Variants in RARA observed in about 807,000 individuals in gnomAD.
RARA encodes retinoic acid receptor alpha.
In RARA, 5 loss-of-function variants were observed where a neutral mutation model predicts 42.8. The observed-to-expected ratio is 0.12, with a 90% CI of 0.06 to 0.25. The LOEUF is 0.25. RARA is among the 10% of genes least tolerant of loss of function. The pLI is 1.00. For missense variants in RARA, 402 were observed against 628.7 expected (o/e 0.64, Z 3.86); for synonymous variants, 256 against 259.5 (o/e 0.99, Z 0.13).
At chr17:40,316,894 G>A (rs879014517) in intron 1 of RARA, among the ~76,000 whole-genome samples, 2 of 152,196 alleles carry the variant, frequency 1.3e-5, no homozygotes, top group South Asian at 4.1e-4. Context: ...CCAGCAGGCG[G>A]GAAGGGGCCT....
chr17:40,356,486 TCTCA>T lies in RARA; in HGVS notation c.*261_*264del. On this transcript the variant is annotated 3_prime_UTR_variant, in exon 9 of 9. Transcript: ENST00000254066. The stretch of plus-strand genomic sequence containing the variant: ...ACTGAGTGAGGCCCCTGGTCCTGGG[TCTCA>T]GGATGGGTCCTGGGGGCCTCGTGTT... The T allele has an allele frequency of 1.5e-6, 1 of 687,418 alleles. No homozygotes were observed. The highest frequency in any genetic ancestry group is 2.8e-5 in the East Asian group (1 of 36,158). 42.6% of individuals were successfully genotyped at this position (687,418 alleles called of 1,614,324 possible). A position where few individuals can be genotyped will look rare whatever the true frequency, so the allele number is the denominator to read the frequency against.
intron 1 of RARA, among the ~76,000 whole-genome samples, chr17:40,316,369 C>A (rs1162024755): frequency 6.6e-6 from 1 of 152,208 alleles, no homozygotes; most frequent in Non-Finnish European, 1.5e-5. Context: ...CTTGTTCATG[C>A]GTGGATGTGC....
rs1231150271 is a variant in RARA, at chr17:40,356,681, G to C, written c.*455G>C. ...AGAGGGGGTGGGACAGGGGCGGGGG[G>C]TTCCCCCTGTACATACCCTGCCATA... On this transcript the variant is annotated 3_prime_UTR_variant, in exon 9 of 9. Transcript: ENST00000254066. 2.8e-5 allele frequency: 15 copies of C among 539,754 alleles called. No individual in the cohort carries two copies. The highest frequency in any genetic ancestry group is 2.3e-4 in the South Asian group (15 of 64,452). The allele number at this position is 539,754 out of a possible 1,614,324, so 33.4% of individuals were successfully genotyped here.
chr17:40,313,089 T>C (rs1365235232), intron 1 of RARA, among the ~76,000 whole-genome samples: 2 of 152,138 alleles, frequency 1.3e-5, no homozygotes, highest in Admixed American at 6.5e-5. Context: ...TGGGTTTGTT[T>C]GGGTGGCCTG....
At chr17:40,350,474 G>C (rs1311353219) in intron 4 of RARA, 1 of 153,592 alleles carries the variant, frequency 6.5e-6, no homozygotes, top group Non-Finnish European at 1.4e-5. Flanking sequence ...TCCACTTTGG[G>C]CTCAGCTGAG....
Position 40,341,839 on chromosome 17 carries a change from G to A in RARA, c.179-6477G>A, listed in dbSNP as rs1002530037. On this transcript the variant is annotated intron_variant, in intron 2 of 8. Transcript: ENST00000254066. ...AGCCTGGGAGCCGGAACTGGTACAA[G>A]GGAGGACGCCCGCCCCTCTTCCGTC... 8.3e-6 allele frequency: 9 copies of A among 1,082,844 alleles called. No individual in the cohort carries two copies. The Admixed American group carries it at 3.0e-4, about 36-fold the overall frequency. 67.1% of individuals were successfully genotyped at this position (1,082,844 alleles called of 1,614,324 possible). A position where few individuals can be genotyped will look rare whatever the true frequency, so the allele number is the denominator to read the frequency against.
chr17:40,311,933 C>T (rs1283206959), intron 1 of RARA, among the ~76,000 whole-genome samples: 1 of 152,226 alleles, frequency 6.6e-6, no homozygotes. Context: ...ATTCTTGCCT[C>T]CAGGCTTCTC....
rs2034477253 is a variant in RARA at position 40,352,132 on chromosome 17, C to T, written c.630+62C>T. The T allele has an allele frequency of 4.7e-6, 7 of 1,478,250 alleles. No individual in the cohort carries two copies. The highest frequency in any genetic ancestry group is 6.3e-6 in the Non-Finnish European group (7 of 1,117,718). 91.6% of individuals were successfully genotyped at this position (1,478,250 alleles called of 1,614,324 possible). On this transcript the variant is annotated intron_variant, in intron 5 of 8. Transcript: ENST00000254066. The surrounding 1 kb of genome is among the most constrained non-coding windows in gnomAD (Gnocchi z 4.9). ...CCAGGGCCACAGGGCCAGGATGGGC[C>T]CCTCTCAGGCACCCCTTCTTGTGCC... is the stretch of plus-strand genomic sequence containing the variant.
intron 1 of RARA, among the ~76,000 whole-genome samples, chr17:40,325,207 C>T (rs1418932836): frequency 4.6e-5 from 7 of 151,580 alleles, no homozygotes; most frequent in East Asian, 1.9e-4. Context: ...GCCGAGATTG[C>T]GCCATTGCAC....
At chr17:40,344,263 C>T (rs537190586) in intron 2 of RARA, among the ~76,000 whole-genome samples, 2 of 152,238 alleles carry the variant, frequency 1.3e-5, no homozygotes, top group African/African-American at 4.8e-5. Context: ...CCGACCATTT[C>T]CTCTAGGGCC....
At position 40,352,028 on chromosome 17, in the gene RARA, G is replaced by C. The variant is rs1422032918; in HGVS notation, c.588G>C (p.Gln196His). The change falls in exon 5 of 9, where the codon CAG becomes CAC. Residue 196 changes from glutamine to histidine, a missense_variant. By Grantham distance (24) the Gln-to-His change is conservative (BLOSUM62 0). Transcript: ENST00000254066. This position sits in a 1 kb window ranked among gnomAD's most constrained non-coding sequence, Gnocchi z 4.9. ...TTGAGAAGGTGCGCAAAGCGCACCA[G>C]GAAACCTTCCCTGCCCTCTGCCAGC... The part of the protein sequence containing the change: ...ELIEKVRKAH[Q>H]ETFPALCQLG... 6.3e-7 allele frequency: 1 copy of C among 1,586,858 alleles called. No individual in the cohort carries two copies. Among genetic ancestry groups the C allele is most frequent in the East Asian group, 2.2e-5 (1 of 44,460 alleles).
intron 1 of RARA, among the ~76,000 whole-genome samples, chr17:40,319,220 C>T (rs1256453617): frequency 6.6e-6 from 1 of 152,128 alleles, no homozygotes; most frequent in Non-Finnish European, 1.5e-5. Context: ...CCCCTCATCT[C>T]CTCTCTGGGC....
intron 3 of RARA, chr17:40,349,444 G>T: frequency 7.7e-6 from 2 of 259,544 alleles, no homozygotes; most frequent in East Asian, 9.0e-5. Context: ...GTGGGTTCCA[G>T]ATCCCTGGCT....
intron 1 of RARA, among the ~76,000 whole-genome samples, chr17:40,329,916 C>T (rs1293966872): frequency 2.0e-5 from 3 of 152,162 alleles, no homozygotes; most frequent in African/African-American, 2.4e-5. Context: ...ATATGTTCTT[C>T]GTGTTCTCTC....
chr17:40,329,666 G>T (rs1457773992), intron 1 of RARA, among the ~76,000 whole-genome samples: 1 of 152,040 alleles, frequency 6.6e-6, no homozygotes, highest in African/African-American at 2.4e-5. Flanking sequence ...TGTTGGCCAG[G>T]CTGGTCTTGA....
At chr17:40,335,590 T>G (rs992651123) in intron 2 of RARA, among the ~76,000 whole-genome samples, 1 of 152,034 alleles carries the variant, frequency 6.6e-6, no homozygotes, top group African/African-American at 2.4e-5. Flanking sequence ...CTCGGGAGGC[T>G]GAGGCTAGAG....
In RARA at chr17:40,356,707, C is replaced by T; in HGVS notation, c.*481C>T. 1 of 539,540 alleles carries T rather than the reference C, an allele frequency of 1.9e-6. No individual in the cohort carries two copies. Among genetic ancestry groups the T allele is most frequent in the Non-Finnish European group, 3.6e-6 (1 of 280,618 alleles). The allele number at this position is 539,540 out of a possible 1,614,324, so 33.4% of individuals were successfully genotyped here. ...TTCCCCCTGTACATACCCTGCCATACCAACCCCAGGTATTAATTCTCGCTG... is the reference window on the plus strand; with the variant it reads ...TTCCCCCTGTACATACCCTGCCATATCAACCCCAGGTATTAATTCTCGCTG... On this transcript the variant is annotated 3_prime_UTR_variant, in exon 9 of 9. Coordinates refer to ENST00000254066, the MANE Select transcript of RARA (RefSeq NM_000964.4).
chr17:40,330,193 G>T (rs1015251320), intron 1 of RARA, among the ~76,000 whole-genome samples: 5 of 152,148 alleles, frequency 3.3e-5, no homozygotes, highest in Non-Finnish European at 7.4e-5. Context: ...CATTGCCTGG[G>T]GGTAGGAGGC....
rs1231513534 is a variant in RARA, at chr17:40,351,291, T to C, written c.470-619T>C. Reference sequence around the variant, plus strand: ...CGTCAGCAGCCACCACCACCAGCCCTGTGAGTGATTGTGTGTCTGGATAAT... The same window carrying C: ...CGTCAGCAGCCACCACCACCAGCCCCGTGAGTGATTGTGTGTCTGGATAAT... On this transcript the variant is annotated intron_variant, in intron 4 of 8. Transcript: ENST00000254066. The surrounding 1 kb of genome is among the most constrained non-coding windows in gnomAD (Gnocchi z 4.1). 8.0e-6 allele frequency: 1 copy of C among 124,320 alleles called. No individual in the cohort carries two copies. 7.7% of individuals were successfully genotyped at this position (124,320 alleles called of 1,614,324 possible).
Sources: allele counts gnomAD v4.1 joint callset (sites outside exome capture counted in the v4.1 genomes callset), GRCh38; gene constraint gnomAD v4.1.1; non-coding constraint Gnocchi (gnomAD v3.1); transcripts MANE v1.5; gene names NCBI Gene and HGNC (gene_info 2026-07-23, HGNC 2026-07-21).